The following SRRM4 variants were observed in gnomAD, a reference collection of about 807,000 sequenced individuals.
SRRM4 encodes serine/arginine repetitive matrix 4, also known as serine/arginine repetitive matrix protein 4.
Under a neutral mutation model 68.9 loss-of-function variants are expected in SRRM4, and 33 were observed. The ratio of observed to expected loss-of-function variants is 0.48; its 90% CI spans 0.36 to 0.64. The LOEUF is 0.64. SRRM4 is among the 30% of genes least tolerant of loss of function. The pLI is 0.00. For missense variants in SRRM4, 817 were observed against 827.1 expected, an observed-to-expected ratio of 0.99 and a Z score of 0.15; for synonymous variants, 318 against 318.8, an observed-to-expected ratio of 1.00 and a Z score of 0.03.
intron 1 of SRRM4, among the ~76,000 whole-genome samples, chr12:119,062,515 C>T (rs1953820759): frequency 6.6e-6 from 1 of 151,998 alleles, no homozygotes; most frequent in Non-Finnish European, 1.5e-5. Flanking sequence ...CACTGTGCAG[C>T]TGTACAAAAA....
chr12:119,062,998 T>C (rs1214061957), intron 1 of SRRM4, among the ~76,000 whole-genome samples: 1 of 152,236 alleles, frequency 6.6e-6, no homozygotes, highest in Non-Finnish European at 1.5e-5. Context: ...AAGCCTTCAG[T>C]AGATGCCAGT....
chr12:119,020,221 T>C (rs1953508482), intron 1 of SRRM4, among the ~76,000 whole-genome samples: 1 of 152,086 alleles, frequency 6.6e-6, no homozygotes, highest in African/African-American at 2.4e-5. Context: ...TTTATCATAC[T>C]GATGGGACCC....
chr12:119,062,046 A>G (rs1391960373), intron 1 of SRRM4, among the ~76,000 whole-genome samples: 1 of 152,206 alleles, frequency 6.6e-6, no homozygotes, highest in African/African-American at 2.4e-5. Flanking sequence ...GGGATAGCCT[A>G]CTTCACACCT....
At chr12:119,027,060 T>C (rs1192075239) in intron 1 of SRRM4, among the ~76,000 whole-genome samples, 1 of 152,140 alleles carries the variant, frequency 6.6e-6, no homozygotes, top group Non-Finnish European at 1.5e-5. Flanking sequence ...TGGACGCTGA[T>C]GTCTGGGAGT....
chr12:119,145,530 G>A lies in SRRM4; in HGVS notation c.921G>A (p.Gln307=). The change falls in exon 9 of 13, where the codon CAG becomes CAA. Residue 307 remains glutamine, a synonymous_variant. Transcript: ENST00000267260. The part of the protein sequence containing the change: ...TQTSSARSRG[Q]EKGSPSGGLS... The stretch of plus-strand genomic sequence containing the variant: ...CCAGCTCAGCCAGGTCTCGGGGCCA[G>A]GAGAAGGGGAGCCCCAGTGGGGGCT... The A allele has an allele frequency of 6.2e-7, 1 of 1,608,364 alleles. No individual in the cohort carries two copies.
chr12:119,028,978 G>T (rs1002231164), intron 1 of SRRM4, among the ~76,000 whole-genome samples: 1 of 152,162 alleles, frequency 6.6e-6, no homozygotes, highest in African/African-American at 2.4e-5. Flanking sequence ...TCCATAAAAA[G>T]GAGCAGGAAA....
chr12:119,111,883 TA>T (rs35962103), intron 2 of SRRM4, among the ~76,000 whole-genome samples: 1 of 151,818 alleles, frequency 6.6e-6, no homozygotes, highest in Non-Finnish European at 1.5e-5. Context: ...GTCTCTACTT[TA>T]AAAATACAAA....
intron 9 of SRRM4, among the ~76,000 whole-genome samples, chr12:119,148,439 A>G (rs1363678324): frequency 6.6e-6 from 1 of 152,236 alleles, no homozygotes; most frequent in African/African-American, 2.4e-5. Context: ...TTACTGATAT[A>G]CAGCAGTGCT....
At chr12:119,122,284 CAGGAAGGCAGGA>C (rs1432310929) in intron 6 of SRRM4, among the ~76,000 whole-genome samples, 164 bp downstream of exon 6, 87 of 97,764 alleles carry the variant, frequency 8.9e-4, no homozygotes, top group East Asian at 4.7e-3. Context: ...GGCAGGAAGG[CAGGAAGGCAGGA>C]AGGAAGGAAG....
At chr12:119,064,105 A>G (rs1051157736) in intron 1 of SRRM4, among the ~76,000 whole-genome samples, 2 of 152,234 alleles carry the variant, frequency 1.3e-5, no homozygotes, top group African/African-American at 2.4e-5. Flanking sequence ...GAGCAACTCC[A>G]TTGATTTACA....
intron 2 of SRRM4, among the ~76,000 whole-genome samples, chr12:119,106,153 A>G (rs1325995966): frequency 6.6e-6 from 1 of 152,022 alleles, no homozygotes; most frequent in South Asian, 2.1e-4. Context: ...GCTCTGTTCT[A>G]TTCCATTGGT....
At position 119,050,264 on chromosome 12, in the gene SRRM4, C is replaced by A. The variant is rs181665926; in HGVS notation, c.132-51972C>A. Among the ~76,000 whole-genome samples the A allele has an allele frequency of 7.5e-4, 115 of 152,342 alleles. 1 individual carries two copies. The highest frequency in any genetic ancestry group is 2.2e-3 in the African/African-American group (93 of 41,570). On this transcript the variant is annotated intron_variant, in intron 1 of 12. Coordinates refer to ENST00000267260, the MANE Select transcript of SRRM4 (RefSeq NM_194286.4). Reference sequence around the variant, plus strand: ...TCTAGGCATAACATGGTTTTCAACACCTTCACCATCTTTAACAGAGTTCTG... The same window carrying A: ...TCTAGGCATAACATGGTTTTCAACAACTTCACCATCTTTAACAGAGTTCTG...
In SRRM4 at chr12:119,113,295, C is replaced by A. The variant is rs565765193; in HGVS notation, c.279-983C>A. ...TGGGTAATTTCCAGATGATTGGCCA[C>A]ACAAACAAGTTTGAGAAGGCAGCTG... On this transcript the variant is annotated intron_variant, in intron 2 of 12. Transcript: ENST00000267260. 1.8e-4 allele frequency among the ~76,000 whole-genome samples: 27 copies of A among 152,140 alleles called. 1 individual carries two copies. The highest frequency in any genetic ancestry group is 2.9e-4 in the Non-Finnish European group (20 of 68,030).
At chr12:119,105,984 G>A (rs556184392) in intron 2 of SRRM4, among the ~76,000 whole-genome samples, 15 of 152,252 alleles carry the variant, frequency 9.9e-5, no homozygotes, top group African/African-American at 3.6e-4. Flanking sequence ...ATTAATTTTT[G>A]TATAAGGTGT....
intron 1 of SRRM4, among the ~76,000 whole-genome samples, chr12:118,986,110 A>G (rs530015171): frequency 6.6e-6 from 1 of 151,624 alleles, no homozygotes; most frequent in African/African-American, 2.4e-5. Context: ...TGTAAGGCAG[A>G]AAAAAAAATG....
chr12:119,039,163 C>T (rs1487115979), intron 1 of SRRM4, among the ~76,000 whole-genome samples: 14 of 152,344 alleles, frequency 9.2e-5, no homozygotes, highest in Middle Eastern at 6.8e-3. Context: ...GGCACCAACA[C>T]CCCATGTCCT....
intron 1 of SRRM4, among the ~76,000 whole-genome samples, chr12:119,087,837 C>T (rs1284492097): frequency 6.6e-6 from 1 of 152,150 alleles, no homozygotes; most frequent in Admixed American, 6.5e-5. Flanking sequence ...AGCCACCTTT[C>T]CTTGAGAACA....
chr12:118,982,820 G>T (rs936795552), intron 1 of SRRM4, among the ~76,000 whole-genome samples: 1 of 152,028 alleles, frequency 6.6e-6, no homozygotes, highest in Non-Finnish European at 1.5e-5. Flanking sequence ...AGGAGGTGGG[G>T]TGAGAGGGAG....
chr12:119,156,859 T>A lies in SRRM4; in HGVS notation c.*61T>A. The A allele has an allele frequency of 1.4e-6, 2 of 1,463,120 alleles. No homozygotes were observed. The highest frequency in any genetic ancestry group is 5.0e-5 in the East Asian group (2 of 40,210). The allele number at this position is 1,463,120 out of a possible 1,614,324, so 90.6% of individuals were successfully genotyped here. A position where few individuals can be genotyped will look rare whatever the true frequency, so the allele number is the denominator to read the frequency against. ...GCGCTGCCAGCCTCCCCCAACCACCTGCCCTCCCCGCCTTCTTGGTGACAA... is the reference window on the plus strand; with the variant it reads ...GCGCTGCCAGCCTCCCCCAACCACCAGCCCTCCCCGCCTTCTTGGTGACAA... On this transcript the variant is annotated 3_prime_UTR_variant, in exon 13 of 13. Transcript: ENST00000267260.
Sources: allele counts gnomAD v4.1 joint callset (sites outside exome capture counted in the v4.1 genomes callset), GRCh38; gene constraint gnomAD v4.1.1; transcripts MANE v1.5; gene names NCBI Gene and HGNC (gene_info 2026-07-23, HGNC 2026-07-21).